Variants in SYT17 observed in about 807,000 individuals in gnomAD.
SYT17 encodes the protein synaptotagmin 17.
SYT17 carries 22 observed loss-of-function variants against 46.7 expected under a neutral mutation model. That is an observed-to-expected ratio of 0.47 (90% CI 0.34 to 0.67). The LOEUF (loss-of-function observed/expected upper bound fraction) is 0.67, where lower values mean the gene tolerates loss of function less well. Among genes scored for constraint, SYT17 ranks in the 30% least tolerant of loss-of-function variants. SYT17 has a pLI of 0.01. For missense variants in SYT17, 519 were observed against 612.8 expected (o/e 0.85, Z 1.62); for synonymous variants, 251 against 248.4 (o/e 1.01, Z -0.10).
intron 5 of SYT17, among the ~76,000 whole-genome samples, chr16:19,202,962 T>G (rs1205401142): frequency 2.6e-5 from 4 of 152,122 alleles, no homozygotes; most frequent in Non-Finnish European, 5.9e-5. Context: ...AAGCTATCCC[T>G]CCACCTCGAC....
At chr16:19,263,640 C>CAA (rs1157288423) in intron 7 of SYT17, among the ~76,000 whole-genome samples, 2,085 of 39,176 alleles carry the variant, frequency 0.053, 93 homozygotes, top group African/African-American at 0.15. Context: ...AATTACAACT[C>CAA]AAAAAAAAAA....
chr16:19,213,081 A>G (rs1275383235), intron 5 of SYT17, among the ~76,000 whole-genome samples: 1 of 152,200 alleles, frequency 6.6e-6, no homozygotes, highest in Non-Finnish European at 1.5e-5. Flanking sequence ...GTTCAATCAT[A>G]GCTTACTAAA....
At position 19,173,416 on chromosome 16, in the gene SYT17, C is replaced by A; in HGVS notation, c.34-14C>A. The A allele has an allele frequency of 6.5e-7, 1 of 1,541,406 alleles. No homozygotes were observed. The highest frequency in any genetic ancestry group is 8.8e-7 in the Non-Finnish European group (1 of 1,137,430). ...CTCCCCCATCCCCCCGCCCACCTCC[C>A]CCAATGGCCTCAGGGTTTTCTTTCT... On this transcript the variant is annotated splice_polypyrimidine_tract_variant and intron_variant, in intron 2 of 7. Coordinates refer to ENST00000355377, the MANE Select transcript of SYT17 (RefSeq NM_016524.4).
chr16:19,227,647 C>T (rs1282376721), intron 7 of SYT17, among the ~76,000 whole-genome samples: 1 of 152,140 alleles, frequency 6.6e-6, no homozygotes, highest in African/African-American at 2.4e-5. Context: ...TTCCCCTTTC[C>T]AGTTCCTTCT....
At chr16:19,205,441 T>TC (rs144232573) in intron 5 of SYT17, among the ~76,000 whole-genome samples, 34,782 of 150,524 alleles carry the variant, frequency 0.23, 4,294 homozygotes, top group Non-Finnish European at 0.27. Context: ...TCCTTGACTT[T>TC]TTTTTTTTTT....
At chr16:19,224,959 C>G (rs759408842) in intron 7 of SYT17, 121 bp downstream of exon 7, 42 of 1,164,384 alleles carry the variant, frequency 3.6e-5, no homozygotes, top group Non-Finnish European at 4.6e-5. Flanking sequence ...ATTCAACTAC[C>G]TGGGTTTGAA....
rs762233577 is a variant in SYT17 at position 19,180,379 on chromosome 16, C to T, written c.183-12C>T. ...TCCTGGACAGCTACTGAGACCTCTT[C>T]CCTTCCTATAGGATGGCCAGCCGGA... On this transcript the variant is annotated splice_polypyrimidine_tract_variant and intron_variant, in intron 3 of 7. Transcript: ENST00000355377. 5 of 1,613,846 alleles carry T rather than the reference C, an allele frequency of 3.1e-6. No individual in the cohort carries two copies. Among genetic ancestry groups the T allele is most frequent in the East Asian group, 4.5e-5 (2 of 44,886 alleles).
rs1363709273 is a variant in SYT17 at position 19,255,629 on chromosome 16, AAATT to A, written c.1229-11245_1229-11242del. Among the ~76,000 whole-genome samples the A allele has an allele frequency of 6.6e-5, 10 of 152,220 alleles. No individual in the cohort carries two copies. The South Asian group carries it at 1.7e-3, about 25-fold the overall frequency. ...TAGCAAGACCCCATGTCTAAAAAAA[AAATT>A]AATTAGCTGGGCGTGGTGAGGTGCC... On this transcript the variant is annotated intron_variant, in intron 7 of 7. Transcript: ENST00000355377.
intron 5 of SYT17, among the ~76,000 whole-genome samples, chr16:19,219,851 T>C (rs1300436021): frequency 2.0e-5 from 3 of 152,088 alleles, no homozygotes; most frequent in Non-Finnish European, 4.4e-5. Context: ...TTTTGTTCTG[T>C]TTTGTTTTTG....
chr16:19,258,846 A>G (rs2143000850), intron 7 of SYT17, among the ~76,000 whole-genome samples: 1 of 152,240 alleles, frequency 6.6e-6, no homozygotes, highest in South Asian at 2.1e-4. Flanking sequence ...TAAATGAGTC[A>G]ATCCACTGAC....
intron 4 of SYT17, among the ~76,000 whole-genome samples, chr16:19,181,999 C>G (rs1252350432): frequency 1.2e-5 from 1 of 81,934 alleles, no homozygotes; most frequent in Non-Finnish European, 2.6e-5. Flanking sequence ...AACTCTGTCT[C>G]AAAAAAAAAA....
At chr16:19,197,212 T>C (rs2142712269) in intron 5 of SYT17, among the ~76,000 whole-genome samples, 1 of 152,356 alleles carries the variant, frequency 6.6e-6, no homozygotes, top group East Asian at 1.9e-4. Context: ...AGCAGTGTTT[T>C]GGCAATGTTG....
At chr16:19,216,083 G>A (rs542892863) in intron 5 of SYT17, among the ~76,000 whole-genome samples, 10 of 151,834 alleles carry the variant, frequency 6.6e-5, no homozygotes, top group Admixed American at 2.0e-4. Flanking sequence ...AGATTTGAGC[G>A]GGAACACATC....
At chr16:19,238,951 A>G (rs2142947230) in intron 7 of SYT17, among the ~76,000 whole-genome samples, 1 of 152,272 alleles carries the variant, frequency 6.6e-6, no homozygotes, top group African/African-American at 2.4e-5. Flanking sequence ...CCCAACCCAG[A>G]GCTGCCAGTC....
chr16:19,249,306 A>ATAAATAAATAAATAAATAAG (rs1474122495), intron 7 of SYT17, among the ~76,000 whole-genome samples: 2 of 151,066 alleles, frequency 1.3e-5, no homozygotes, highest in East Asian at 3.9e-4. Flanking sequence ...AAATAAATAA[A>ATAAATAAATAAATAAATAAG]TAAGTAAATA....
At chr16:19,256,740 A>G (rs1179187989) in intron 7 of SYT17, among the ~76,000 whole-genome samples, 1 of 152,036 alleles carries the variant, frequency 6.6e-6, no homozygotes, top group African/African-American at 2.4e-5. Context: ...CAACATGCCC[A>G]GCTACTTTTT....
At chr16:19,244,981 C>T (rs190653348) in intron 7 of SYT17, among the ~76,000 whole-genome samples, 16 of 152,336 alleles carry the variant, frequency 1.1e-4, no homozygotes, top group Non-Finnish European at 8.8e-5. Context: ...CATCTCTGCT[C>T]AGATACCCAA....
At chr16:19,247,126 G>C (rs546051162) in intron 7 of SYT17, among the ~76,000 whole-genome samples, 47 of 152,292 alleles carry the variant, frequency 3.1e-4, no homozygotes, top group African/African-American at 1.1e-3. Context: ...ACACAAAGGC[G>C]CTGGCAGGAG....
At chr16:19,178,207 C>T (rs745491776) in intron 3 of SYT17, among the ~76,000 whole-genome samples, 55 of 152,082 alleles carry the variant, frequency 3.6e-4, no homozygotes, top group African/African-American at 1.0e-3. Context: ...CTCAGCCTCC[C>T]GAGTAGCTGG....
Sources: allele counts gnomAD v4.1 joint callset (sites outside exome capture counted in the v4.1 genomes callset), GRCh38; gene constraint gnomAD v4.1.1; transcripts MANE v1.5; gene names NCBI Gene and HGNC (gene_info 2026-07-23, HGNC 2026-07-21).